PHF14: variants seen among roughly 807,000 people sequenced by gnomAD.
The protein encoded by PHF14 is PHD finger protein 14.
Under a neutral mutation model 117.9 loss-of-function variants are expected in PHF14, and 55 were observed. The observed-to-expected ratio is 0.47, with a 90% CI of 0.38 to 0.58. The LOEUF (loss-of-function observed/expected upper bound fraction) is 0.58. Ranked by LOEUF, PHF14 falls within the 20% of genes least tolerant of loss-of-function variation. The pLI is 0.00. For missense variants in PHF14, 978 were observed against 1,122.2 expected (o/e 0.87, Z 1.84); for synonymous variants, 409 against 368.6 (o/e 1.11, Z -1.26).
intron 4 of PHF14, among the ~76,000 whole-genome samples, chr7:11,011,999 C>T (rs1783372885): frequency 6.6e-6 from 1 of 152,108 alleles, no homozygotes; most frequent in Admixed American, 6.5e-5. Context: ...AACTTTTAGG[C>T]ATCTTGATGC....
intron 6 of PHF14, among the ~76,000 whole-genome samples, chr7:11,027,783 C>T (rs1190380258): frequency 6.6e-6 from 1 of 152,004 alleles, no homozygotes; most frequent in Non-Finnish European, 1.5e-5. Flanking sequence ...TTTCTCTGGT[C>T]TCTTGTTTCC....
chr7:11,012,811 CAGAA>C lies in PHF14; in HGVS notation c.1046-931_1046-928del, dbSNP rs553685579. 5.5e-3 allele frequency among the ~76,000 whole-genome samples: 832 copies of C among 152,252 alleles called. 5 individuals carry two copies. The highest frequency in any genetic ancestry group is 9.1e-3 in the Non-Finnish European group (616 of 68,016). ...CATTTCAGTTATAGACAAATTTTCA[CAGAA>C]AGAATAATTTAAAATTTTTGAACAG... is the stretch of plus-strand genomic sequence containing the variant. On this transcript the variant is annotated intron_variant, in intron 4 of 17. Coordinates refer to ENST00000634607, the MANE Select transcript of PHF14 (RefSeq NM_001007157.2).
At chr7:11,043,266 C>A (rs1784556068) in intron 13 of PHF14, among the ~76,000 whole-genome samples, 1 of 151,542 alleles carries the variant, frequency 6.6e-6, no homozygotes, top group Admixed American at 6.6e-5. Flanking sequence ...CATCTAGAAA[C>A]ATTTGATAAA....
At chr7:11,133,939 G>A (rs1469223699) in intron 17 of PHF14, among the ~76,000 whole-genome samples, 1 of 152,002 alleles carries the variant, frequency 6.6e-6, no homozygotes, top group Non-Finnish European at 1.5e-5. Flanking sequence ...CCTGGACCAG[G>A]TGACCCAAGT....
At chr7:11,123,899 CAG>C (rs1307663642) in intron 17 of PHF14, among the ~76,000 whole-genome samples, 1 of 149,660 alleles carries the variant, frequency 6.7e-6, no homozygotes, top group Admixed American at 6.7e-5. Context: ...CCCTGGGTGA[CAG>C]AGCGAGACTC....
intron 16 of PHF14, among the ~76,000 whole-genome samples, chr7:11,084,366 C>A (rs2128337124): frequency 6.6e-6 from 1 of 152,256 alleles, no homozygotes; most frequent in African/African-American, 2.4e-5. Context: ...AAACCTGTCC[C>A]TTTGAGGGCA....
chr7:11,013,633 C>T, intron 4 of PHF14, 114 bp from the exon 5 acceptor site: 1 of 544,686 alleles, frequency 1.8e-6, no homozygotes. Context: ...TCTTATAAAC[C>T]ATTGGTGTTT....
intron 4 of PHF14, among the ~76,000 whole-genome samples, chr7:11,008,239 G>A (rs1783194317): frequency 6.6e-6 from 1 of 152,230 alleles, no homozygotes; most frequent in South Asian, 2.1e-4. Flanking sequence ...GGCCATTTTT[G>A]TTTTTTAGTG....
chr7:11,127,142 G>A (rs775684108), intron 17 of PHF14, among the ~76,000 whole-genome samples: 1 of 151,458 alleles, frequency 6.6e-6, no homozygotes, highest in Non-Finnish European at 1.5e-5. Context: ...GTCCAGTCCA[G>A]TTTAATGTCA....
chr7:11,115,630 A>G (rs1057213408), intron 17 of PHF14, among the ~76,000 whole-genome samples: 3 of 151,956 alleles, frequency 2.0e-5, no homozygotes, highest in African/African-American at 7.2e-5. Flanking sequence ...GGAAGTTAAC[A>G]TTGCTATATT....
intron 16 of PHF14, among the ~76,000 whole-genome samples, chr7:11,093,929 G>A (rs911264773): frequency 6.6e-6 from 1 of 151,794 alleles, no homozygotes; most frequent in African/African-American, 2.4e-5. Context: ...AGGAGTAGAG[G>A]ATTTTTTTTT....
Position 11,013,839 on chromosome 7 carries a change from G to A in PHF14, c.1138G>A (p.Gly380Ser). 1 of 1,610,122 alleles carries A rather than the reference G, an allele frequency of 6.2e-7. No individual in the cohort carries two copies. Among genetic ancestry groups the A allele is most frequent in the Non-Finnish European group, 8.5e-7 (1 of 1,176,886 alleles). ...TTGGTTTTGTGATGCCTGTAAATGT[G>A]GTGTTTCTCCTAGCTGTGAACTGTG... ...EPWFCDACKC[G>S]VSPSCELCPN... The change falls in exon 5 of 18, where the codon GGT (glycine) becomes AGT (serine). Residue 380 changes from glycine to serine, a missense_variant. Coordinates refer to ENST00000634607, the MANE Select transcript of PHF14 (RefSeq NM_001007157.2).
At chr7:11,135,889 G>T (rs1788207080) in intron 17 of PHF14, among the ~76,000 whole-genome samples, 1 of 152,076 alleles carries the variant, frequency 6.6e-6, no homozygotes, top group Non-Finnish European at 1.5e-5. Context: ...CTAATTTATA[G>T]CTTACATAAT....
intron 17 of PHF14, among the ~76,000 whole-genome samples, chr7:11,154,050 G>A (rs1270627034): frequency 2.0e-5 from 3 of 151,880 alleles, no homozygotes; most frequent in South Asian, 2.1e-4. Flanking sequence ...AGTTCATGTC[G>A]CCGGTAGGGT....
chr7:11,165,193 G>A (rs961030877), intron 17 of PHF14, among the ~76,000 whole-genome samples: 4 of 152,210 alleles, frequency 2.6e-5, no homozygotes, highest in African/African-American at 9.6e-5. Flanking sequence ...AAAGTGCTGG[G>A]ATTACAGGCG....
At chr7:11,007,124 C>G (rs369098196) in intron 4 of PHF14, among the ~76,000 whole-genome samples, 1 of 151,720 alleles carries the variant, frequency 6.6e-6, no homozygotes, top group Non-Finnish European at 1.5e-5. Context: ...ACCCAGGAGG[C>G]GGAGATTGCA....
intron 2 of PHF14, among the ~76,000 whole-genome samples, chr7:10,975,624 A>G (rs1324492703): frequency 6.6e-6 from 1 of 152,208 alleles, no homozygotes; most frequent in African/African-American, 2.4e-5. Context: ...TACAGTTTCA[A>G]TTGAAGGAAT....
chr7:11,000,334 C>CTTTTTTTT (rs71023882), intron 4 of PHF14, among the ~76,000 whole-genome samples: 8 of 60,372 alleles, frequency 1.3e-4, no homozygotes, highest in Admixed American at 2.3e-4. Context: ...GCTTATTTGC[C>CTTTTTTTT]TTTTTTTTTT....
intron 17 of PHF14, 69 bp downstream of exon 17, chr7:11,111,536 A>C: frequency 1.4e-6 from 1 of 730,756 alleles, no homozygotes; most frequent in Non-Finnish European, 2.4e-6. Context: ...ATGTCACACA[A>C]TTAGCTTCTT....
Sources: gnomAD v4.1 joint callset for allele counts (sites outside exome capture counted in the v4.1 genomes callset) on GRCh38, gnomAD v4.1.1 for gene constraint, MANE v1.5 for transcripts, NCBI Gene and HGNC (gene_info 2026-07-23, HGNC 2026-07-21) for gene names.